AGAP1: variants seen among roughly 807,000 people sequenced by gnomAD.
The protein encoded by AGAP1 is ArfGAP with GTPase domain, ankyrin repeat and PH domain 1, also known as arf-GAP with GTPase, ANK repeat and PH domain-containing protein 1.
Under a neutral mutation model 105.3 loss-of-function variants are expected in AGAP1, and 29 were observed. The ratio of observed to expected loss-of-function variants is 0.28; its 90% CI spans 0.21 to 0.38. AGAP1 has a LOEUF of 0.38. Among genes scored for constraint, AGAP1 ranks in the 10% least tolerant of loss-of-function variants. The probability of loss-of-function intolerance (pLI) is 1.00; values close to 1 mark genes in which losing one functional copy is unlikely to be tolerated. For missense variants in AGAP1, 998 were observed against 1,165.1 expected (o/e 0.86, Z 2.09); for synonymous variants, 509 against 485.9 (o/e 1.05, Z -0.63).
Position 235,867,574 on chromosome 2 carries a change from T to TGCGCGC in AGAP1, c.1051-15769_1051-15768insGCGCGC, listed in dbSNP as rs1553655430. Reference sequence around the variant, plus strand: ...GTGTGTGTGTGTGTGTGTGTGTGTGTGCAAGTGAGGGAGGGTGACCCCCAC... The same window carrying TGCGCGC: ...GTGTGTGTGTGTGTGTGTGTGTGTGTGCGCGCGCAAGTGAGGGAGGGTGACCCCCAC... On this transcript the variant is annotated intron_variant, in intron 9 of 17. Transcript: ENST00000304032. The surrounding 1 kb of genome is among the most constrained non-coding windows in gnomAD (Gnocchi z 5.4). 6.8e-5 allele frequency among the ~76,000 whole-genome samples: 10 copies of TGCGCGC among 147,702 alleles called. No individual in the cohort carries two copies. The South Asian group carries it at 2.2e-3, about 32-fold the overall frequency.
At chr2:235,683,404 C>T (rs1460118444) in intron 1 of AGAP1, among the ~76,000 whole-genome samples, 4 of 151,822 alleles carry the variant, frequency 2.6e-5, no homozygotes, top group Admixed American at 1.3e-4. Flanking sequence ...GTACTTGCCT[C>T]CCTCATATAC....
In AGAP1 at chr2:236,058,100, G is replaced by C. The variant is rs1456740624; in HGVS notation, c.2114+8819G>C. Among the ~76,000 whole-genome samples the C allele has an allele frequency of 5.3e-5, 8 of 152,290 alleles. No individual in the cohort carries two copies. The East Asian group carries it at 5.8e-4, about 11-fold the overall frequency. The stretch of plus-strand genomic sequence containing the variant: ...AAGCCTACCCAGTCAGCATCCCTAG[G>C]GGGTAGGGTCCAGTGGTGTGTTTTA... On this transcript the variant is annotated intron_variant, in intron 16 of 17. Coordinates refer to ENST00000304032, the MANE Select transcript of AGAP1 (RefSeq NM_001037131.3). This position sits in a 1 kb window ranked among gnomAD's most constrained non-coding sequence, Gnocchi z 4.6.
rs1478155778 is a variant in AGAP1, at chr2:235,817,694, C to T, written c.1050+10363C>T. Among the ~76,000 whole-genome samples, 6 of 152,216 alleles carry T rather than the reference C, an allele frequency of 3.9e-5. No homozygotes were observed. The East Asian group carries it at 9.7e-4, about 25-fold the overall frequency. On this transcript the variant is annotated intron_variant, in intron 9 of 17. Coordinates refer to ENST00000304032, the MANE Select transcript of AGAP1 (RefSeq NM_001037131.3). ...TCAGTTGTGGCCAGGAGTTCAAAAC[C>T]AGCCTGGCCAACATGGCGAAACCCC...
At position 235,900,690 on chromosome 2, in the gene AGAP1, A is replaced by T. The variant is rs1011280200; in HGVS notation, c.1156-8048A>T. The stretch of plus-strand genomic sequence containing the variant: ...TGTGACTTCAAAAGGCCATTCCACC[A>T]TTCTATTAATCCAGCTGCTTCAGGA... On this transcript the variant is annotated intron_variant, in intron 10 of 17. Coordinates refer to ENST00000304032, the MANE Select transcript of AGAP1 (RefSeq NM_001037131.3). The surrounding 1 kb of genome is among the most constrained non-coding windows in gnomAD (Gnocchi z 5.5). Among the ~76,000 whole-genome samples, 22 of 152,146 alleles carry T rather than the reference A, an allele frequency of 1.4e-4. No individual in the cohort carries two copies. Among genetic ancestry groups the T allele is most frequent in the African/African-American group, 5.1e-4 (21 of 41,436 alleles).
rs2058848997 is a variant in AGAP1 at position 236,083,766 on chromosome 2, G to T, written c.2114+34485G>T. 6.6e-6 allele frequency among the ~76,000 whole-genome samples: 1 copy of T among 152,100 alleles called. No homozygotes were observed. The highest frequency in any genetic ancestry group is 2.4e-5 in the African/African-American group (1 of 41,406). On this transcript the variant is annotated intron_variant, in intron 16 of 17. Transcript: ENST00000304032. This position sits in a 1 kb window ranked among gnomAD's most constrained non-coding sequence, Gnocchi z 5.3. ...TTTTTTTACAGAAGGATAAATGGAT[G>T]AACAGGTGTTTTAGGAGCCACAATA...
intron 12 of AGAP1, among the ~76,000 whole-genome samples, chr2:235,947,162 TG>T (rs1183753026): frequency 1.3e-5 from 2 of 152,204 alleles, no homozygotes; most frequent in Non-Finnish European, 2.9e-5. Context: ...TCTGAGGTTT[TG>T]GTGCACCCAT....
At position 235,559,639 on chromosome 2, in the gene AGAP1, A is replaced by T. The variant is rs1018610930; in HGVS notation, c.163+64790A>T. Reference sequence around the variant, plus strand: ...GTTATATGTTACGTTATAGCCTCCCAGAAATTTTCTATACCCCTGAAATTT... The same window carrying T: ...GTTATATGTTACGTTATAGCCTCCCTGAAATTTTCTATACCCCTGAAATTT... On this transcript the variant is annotated intron_variant, in intron 1 of 17. Transcript: ENST00000304032. The surrounding 1 kb of genome is among the most constrained non-coding windows in gnomAD (Gnocchi z 5.7). Among the ~76,000 whole-genome samples the T allele has an allele frequency of 4.6e-5, 7 of 152,124 alleles. No homozygotes were observed. Among genetic ancestry groups the T allele is most frequent in the African/African-American group, 1.7e-4 (7 of 41,438 alleles).
intron 12 of AGAP1, among the ~76,000 whole-genome samples, chr2:235,939,900 C>T (rs1257431146): frequency 2.0e-5 from 3 of 152,234 alleles, no homozygotes; most frequent in Admixed American, 1.3e-4. Flanking sequence ...TTGAAATAGG[C>T]CTGACCATTC....
intron 1 of AGAP1, among the ~76,000 whole-genome samples, chr2:235,708,800 C>T (rs1250106176): frequency 6.6e-6 from 1 of 152,208 alleles, no homozygotes; most frequent in African/African-American, 2.4e-5. Flanking sequence ...AGAATCACTC[C>T]TCGGAAAGCT....
chr2:235,854,897 G>A (rs979188310), intron 9 of AGAP1, among the ~76,000 whole-genome samples: 37 of 152,246 alleles, frequency 2.4e-4, no homozygotes, highest in African/African-American at 7.7e-4. Context: ...CCTCAGAAGT[G>A]TAGATCGTTT....
At position 235,535,128 on chromosome 2, in the gene AGAP1, C is replaced by A. The variant is rs1390067026; in HGVS notation, c.163+40279C>A. Among the ~76,000 whole-genome samples, 1 of 152,138 alleles carries A rather than the reference C, an allele frequency of 6.6e-6. No homozygotes were observed. The highest frequency in any genetic ancestry group is 1.5e-5 in the Non-Finnish European group (1 of 68,016). ...GATTCTCGCCAGGGCCAATACTTAT[C>A]CGCAGGGGTGTGTGCCAGGCAGCCC... On this transcript the variant is annotated intron_variant, in intron 1 of 17. Coordinates refer to ENST00000304032, the MANE Select transcript of AGAP1 (RefSeq NM_001037131.3). The surrounding 1 kb of genome is among the most constrained non-coding windows in gnomAD (Gnocchi z 5.1).
chr2:235,847,548 G>C (rs1257277271), intron 9 of AGAP1, among the ~76,000 whole-genome samples: 1 of 152,150 alleles, frequency 6.6e-6, no homozygotes, highest in African/African-American at 2.4e-5. Context: ...CAAGTTTATC[G>C]TAAAACTGTT....
intron 16 of AGAP1, among the ~76,000 whole-genome samples, chr2:236,108,108 G>A (rs959743156): frequency 6.6e-6 from 1 of 152,192 alleles, no homozygotes; most frequent in Non-Finnish European, 1.5e-5. Context: ...ATATCCATTG[G>A]CCTTTGTGGG....
At position 235,596,019 on chromosome 2, in the gene AGAP1, A is replaced by G. The variant is rs545810414; in HGVS notation, c.163+101170A>G. 1.1e-4 allele frequency among the ~76,000 whole-genome samples: 17 copies of G among 152,258 alleles called. No individual in the cohort carries two copies. Among genetic ancestry groups the G allele is most frequent in the African/African-American group, 3.9e-4 (16 of 41,550 alleles). On this transcript the variant is annotated intron_variant, in intron 1 of 17. Coordinates refer to ENST00000304032, the MANE Select transcript of AGAP1 (RefSeq NM_001037131.3). The surrounding 1 kb of genome is among the most constrained non-coding windows in gnomAD (Gnocchi z 5.9). ...CAGATGTTTCTGATGTTATGAAGCT[A>G]TGCTCCTGGAAGTGGTTGTGAAAAT...
At chr2:235,572,072 A>G (rs528929924) in intron 1 of AGAP1, among the ~76,000 whole-genome samples, 1 of 150,118 alleles carries the variant, frequency 6.7e-6, no homozygotes, top group African/African-American at 2.5e-5. Context: ...CTGATTTTCA[A>G]AGCTCACAGC....
intron 13 of AGAP1, among the ~76,000 whole-genome samples, chr2:236,031,294 G>C (rs1576115528): frequency 2.0e-5 from 3 of 152,276 alleles, no homozygotes; most frequent in African/African-American, 4.8e-5. Flanking sequence ...AGAGGAACCA[G>C]GGAGGAGAAA....
chr2:235,925,362 C>G (rs779999341), intron 11 of AGAP1, among the ~76,000 whole-genome samples: 10 of 152,154 alleles, frequency 6.6e-5, no homozygotes, highest in Non-Finnish European at 1.0e-4. Context: ...TCATATCTTA[C>G]TCCTTAGACA....
intron 16 of AGAP1, among the ~76,000 whole-genome samples, chr2:236,116,736 A>C (rs2059780568): frequency 6.6e-6 from 1 of 151,830 alleles, no homozygotes; most frequent in South Asian, 2.1e-4. Context: ...GTAGTCTTTT[A>C]TCCCTCGCCC....
chr2:235,524,579 G>A, intron 1 of AGAP1: 1 of 187,752 alleles, frequency 5.3e-6, no homozygotes, highest in Non-Finnish European at 1.3e-5. Context: ...CGCCCACCAT[G>A]CCTTCCCCAC....
Sources: allele counts gnomAD v4.1 joint callset (sites outside exome capture counted in the v4.1 genomes callset), GRCh38; gene constraint gnomAD v4.1.1; non-coding constraint Gnocchi (gnomAD v3.1); transcripts MANE v1.5; gene names NCBI Gene and HGNC (gene_info 2026-07-23, HGNC 2026-07-21).